The following SHOC1 variants were observed in gnomAD, a reference collection of about 807,000 sequenced individuals.
SHOC1 encodes the protein shortage in chiasmata 1, also known as protein shortage in chiasmata 1 ortholog.
SHOC1 carries 136 observed loss-of-function variants against 179.2 expected under a neutral mutation model. The observed-to-expected ratio is 0.76, with a 90% CI of 0.66 to 0.87. SHOC1 has a LOEUF of 0.87. Among genes scored for constraint, SHOC1 ranks in the 40% least tolerant of loss-of-function variants. The probability of loss-of-function intolerance (pLI) is 0.00; values close to 1 mark genes in which losing one functional copy is unlikely to be tolerated. For missense variants in SHOC1, 1,538 were observed against 1,700.8 expected, an observed-to-expected ratio of 0.90 and a Z score of 1.68; for synonymous variants, 489 against 586.6, an observed-to-expected ratio of 0.83 and a Z score of 2.41.
intron 10 of SHOC1, among the ~76,000 whole-genome samples, chr9:111,744,319 T>A (rs1225946180): frequency 6.6e-6 from 1 of 152,234 alleles, no homozygotes; most frequent in Non-Finnish European, 1.5e-5. Context: ...GTATGTAGTT[T>A]CCATACTTGT....
At chr9:111,715,281 T>A (rs17343398) in intron 16 of SHOC1, among the ~76,000 whole-genome samples, 29,381 of 152,144 alleles carry the variant, frequency 0.19, 2,994 homozygotes, top group Non-Finnish European at 0.22. Context: ...GTAACTTATG[T>A]AGATCAGGTG....
intron 4 of SHOC1, among the ~76,000 whole-genome samples, chr9:111,779,113 AAAGAG>A (rs1554723712): frequency 0.061 from 6,441 of 105,970 alleles, 239 homozygotes; most frequent in African/African-American, 0.16. Context: ...AAAAAAAAAA[AAAGAG>A]AGAGAGAGAG....
Position 111,791,421 on chromosome 9 carries a change from C to G in SHOC1, c.-3G>C. The G allele has an allele frequency of 6.8e-7, 1 of 1,472,730 alleles. No homozygotes were observed. The highest frequency in any genetic ancestry group is 1.4e-5 in the African/African-American group (1 of 70,278). The allele number at this position is 1,472,730 out of a possible 1,614,324, so 91.2% of individuals were successfully genotyped here. On this transcript the variant is annotated 5_prime_UTR_variant, in exon 2 of 28. Coordinates refer to ENST00000682961, the MANE Select transcript of SHOC1 (RefSeq NM_001378211.1). ...TGATATTTCAATGCTGAAAACATATCTTCTTTCTTTCAAAGCAGTGTAAAT... is the reference window on the plus strand; with the variant it reads ...TGATATTTCAATGCTGAAAACATATGTTCTTTCTTTCAAAGCAGTGTAAAT...
At chr9:111,710,255 A>G (rs1832480406) in intron 18 of SHOC1, among the ~76,000 whole-genome samples, 1 of 152,174 alleles carries the variant, frequency 6.6e-6, no homozygotes, top group South Asian at 2.1e-4. Context: ...ACTGAATGAA[A>G]TAATAAGATC....
At chr9:111,746,400 C>T (rs1241951012) in intron 9 of SHOC1, 58 bp from the exon 10 acceptor site, 7 of 1,099,264 alleles carry the variant, frequency 6.4e-6, no homozygotes, top group South Asian at 2.6e-5. Flanking sequence ...GTAGGCTAGG[C>T]GTGGTGGCTC....
At chr9:111,706,794 A>G (rs1290585269) in intron 19 of SHOC1, 48 bp from the exon 20 acceptor site, 1 of 1,335,338 alleles carries the variant, frequency 7.5e-7, no homozygotes, top group Admixed American at 2.4e-5. Flanking sequence ...TTGTGTTATT[A>G]TTTTGTTGAA....
chr9:111,714,593 T>C lies in SHOC1; in HGVS notation c.2267A>G (p.Asn756Ser), dbSNP rs747260637. 3 of 1,613,330 alleles carry C rather than the reference T, an allele frequency of 1.9e-6. No individual in the cohort carries two copies. The highest frequency in any genetic ancestry group is 2.5e-6 in the Non-Finnish European group (3 of 1,179,830). ...GYLSKAKDIY[N>S]SILGPYLGDI... Reference sequence around the variant, plus strand: ...ACCCAAATAGGGGCCTAAAATGCTGTTGTAGATATCTTTTGCCTTCGACAA... The same window carrying C: ...ACCCAAATAGGGGCCTAAAATGCTGCTGTAGATATCTTTTGCCTTCGACAA... Residue 756 changes from asparagine (N) to serine (S), a missense_variant, in exon 17 of 28, where the codon AAC becomes AGC. Coordinates refer to ENST00000682961, the MANE Select transcript of SHOC1 (RefSeq NM_001378211.1).
intron 5 of SHOC1, among the ~76,000 whole-genome samples, chr9:111,760,305 A>T (rs2131576139): frequency 6.6e-6 from 1 of 152,352 alleles, no homozygotes; most frequent in Admixed American, 6.5e-5. Flanking sequence ...GGTTGTTTAT[A>T]GCAAGAGTGC....
At chr9:111,771,126 A>G (rs1358120122) in intron 5 of SHOC1, among the ~76,000 whole-genome samples, 2 of 151,956 alleles carry the variant, frequency 1.3e-5, no homozygotes, top group Admixed American at 6.6e-5. Context: ...ACTTTCTCTG[A>G]TAGTACGTTT....
intron 5 of SHOC1, among the ~76,000 whole-genome samples, chr9:111,769,325 G>T (rs988654472): frequency 2.0e-5 from 3 of 152,054 alleles, no homozygotes; most frequent in African/African-American, 4.8e-5. Context: ...CATTTAAGTA[G>T]GATTGCTATT....
intron 10 of SHOC1, among the ~76,000 whole-genome samples, chr9:111,744,551 A>G (rs1363498303): frequency 6.6e-6 from 1 of 152,204 alleles, no homozygotes; most frequent in African/African-American, 2.4e-5. Context: ...AGCTGGTCCC[A>G]GTAATCCAAA....
chr9:111,692,132 T>A lies in SHOC1; in HGVS notation c.3845A>T (p.Asn1282Ile). Residue 1282 changes from asparagine (N) to isoleucine (I), a missense_variant, in exon 27 of 28, where the codon AAC becomes ATC. Coordinates refer to ENST00000682961, the MANE Select transcript of SHOC1 (RefSeq NM_001378211.1). ...TGAATCACTGTGGTTTAGAAAGGAG[T>A]TATAAGCCGGTCTCCTTGATTCTAT... ...INIESRRPAY[N>I]SFLNHSDSES... The A allele has an allele frequency of 6.2e-7, 1 of 1,613,698 alleles. No individual in the cohort carries two copies. Among genetic ancestry groups the A allele is most frequent in the African/African-American group, 1.3e-5 (1 of 74,990 alleles).
In SHOC1 at chr9:111,785,835, A is replaced by G. The variant is rs1836241670; in HGVS notation, c.169+77T>C. 3.3e-6 allele frequency: 4 copies of G among 1,224,184 alleles called. No individual in the cohort carries two copies. In the South Asian group the frequency reaches 9.9e-5, roughly 30 times the overall value. 75.8% of individuals were successfully genotyped at this position (1,224,184 alleles called of 1,614,324 possible). A position where few individuals can be genotyped will look rare whatever the true frequency, so the allele number is the denominator to read the frequency against. ...GAGTTTTTAATTAGTAAAACATTGC[A>G]TATTCTTAATAATTTGCTGTGCTAA... On this transcript the variant is annotated intron_variant, in intron 3 of 27. Coordinates refer to ENST00000682961, the MANE Select transcript of SHOC1 (RefSeq NM_001378211.1).
chr9:111,767,695 T>G (rs1225141053), intron 5 of SHOC1, among the ~76,000 whole-genome samples: 1 of 152,210 alleles, frequency 6.6e-6, no homozygotes, highest in African/African-American at 2.4e-5. Flanking sequence ...ATTTAAATTT[T>G]AGGGTTTTAT....
At chr9:111,779,332 A>G (rs1419640758) in intron 4 of SHOC1, among the ~76,000 whole-genome samples, 1 of 152,120 alleles carries the variant, frequency 6.6e-6, no homozygotes, top group Non-Finnish European at 1.5e-5. Flanking sequence ...TTTCCAATCT[A>G]TTTCTAGGTA....
chr9:111,728,976 G>T (rs1833435617), intron 12 of SHOC1, among the ~76,000 whole-genome samples: 2 of 152,186 alleles, frequency 1.3e-5, no homozygotes, highest in Non-Finnish European at 2.9e-5. Context: ...CTATACTGCA[G>T]TGTATTGTGT....
chr9:111,766,342 G>A (rs1223307344), intron 5 of SHOC1, among the ~76,000 whole-genome samples: 4 of 152,176 alleles, frequency 2.6e-5, no homozygotes, highest in Non-Finnish European at 5.9e-5. Context: ...ATTGTGAATA[G>A]AGCTGCAATA....
At chr9:111,725,313 A>C (rs1833248944) in intron 13 of SHOC1, among the ~76,000 whole-genome samples, 1 of 152,098 alleles carries the variant, frequency 6.6e-6, no homozygotes, top group African/African-American at 2.4e-5. Flanking sequence ...TAAAATATAC[A>C]CCAAAATATT....
intron 5 of SHOC1, among the ~76,000 whole-genome samples, chr9:111,765,515 A>G (rs1399267359): frequency 3.3e-5 from 5 of 150,492 alleles, no homozygotes; most frequent in African/African-American, 7.3e-5. Flanking sequence ...ACTTGAACCC[A>G]GGAGGCAGAG....
Sources: gnomAD v4.1 joint callset for allele counts (sites outside exome capture counted in the v4.1 genomes callset) on GRCh38, gnomAD v4.1.1 for gene constraint, MANE v1.5 for transcripts, NCBI Gene and HGNC (gene_info 2026-07-23, HGNC 2026-07-21) for gene names.